PRKG1: variants seen among roughly 807,000 people sequenced by gnomAD.
PRKG1 encodes the protein protein kinase cGMP-dependent 1.
A neutral mutation model predicts 88.1 loss-of-function variants in PRKG1; 35 were observed. That is an observed-to-expected ratio of 0.40 (90% CI 0.30 to 0.53). The LOEUF is 0.53. Ranked by LOEUF, PRKG1 falls within the 20% of genes least tolerant of loss-of-function variation. The pLI, the probability that PRKG1 is intolerant of heterozygous loss-of-function variation, is 0.59. For synonymous variants in PRKG1, 303 were observed against 292.5 expected (o/e 1.04, Z -0.37); for missense variants, 540 against 839.8 (o/e 0.64, Z 4.41).
intron 4 of PRKG1, among the ~76,000 whole-genome samples, chr10:51,843,368 GTA>G (rs1840326811): frequency 6.6e-6 from 1 of 152,120 alleles, no homozygotes; most frequent in South Asian, 2.1e-4. Context: ...TTGCGTTGGG[GTA>G]TACCAAGTCA....
chr10:51,867,780 T>G lies in PRKG1; in HGVS notation c.699-39727T>G, dbSNP rs78344607. Among the ~76,000 whole-genome samples the G allele has an allele frequency of 4.0e-4, 61 of 152,284 alleles. 1 individual carries two copies. The East Asian group carries it at 0.01, about 26-fold the overall frequency. ...ATGATATGCAGAGTGAATACTGAAT[T>G]GTAAGAATTCTAATATTTGAATTGA... On this transcript the variant is annotated intron_variant, in intron 4 of 17. Coordinates refer to ENST00000373980, the MANE Select transcript of PRKG1 (RefSeq NM_006258.4).
chr10:52,002,935 G>A (rs570482274), intron 5 of PRKG1, among the ~76,000 whole-genome samples: 7 of 152,234 alleles, frequency 4.6e-5, no homozygotes, highest in South Asian at 4.2e-4. Context: ...TTGAGTTAGC[G>A]AAAGTTAGTA....
At chr10:51,083,402 C>G (rs1844163721) in intron 1 of PRKG1, among the ~76,000 whole-genome samples, 1 of 152,174 alleles carries the variant, frequency 6.6e-6, no homozygotes, top group Admixed American at 6.5e-5. Flanking sequence ...GGTCCCAGCT[C>G]CTGCTATCCA....
chr10:51,478,297 T>G (rs1380629808), intron 3 of PRKG1, among the ~76,000 whole-genome samples: 1 of 152,138 alleles, frequency 6.6e-6, no homozygotes, highest in African/African-American at 2.4e-5. Flanking sequence ...AGATGCAGCC[T>G]GGAAATTCAA....
At chr10:51,249,271 A>G (rs1839370172) in intron 2 of PRKG1, among the ~76,000 whole-genome samples, 1 of 151,896 alleles carries the variant, frequency 6.6e-6, no homozygotes, top group African/African-American at 2.4e-5. Context: ...ATCCCCATGG[A>G]CCCAAATCAC....
chr10:51,828,668 A>G (rs1453487589), intron 4 of PRKG1, among the ~76,000 whole-genome samples: 4 of 152,200 alleles, frequency 2.6e-5, no homozygotes, highest in Non-Finnish European at 5.9e-5. Flanking sequence ...AGGCTTTGAT[A>G]TAACTTTTAG....
At chr10:52,034,774 G>C (rs931089190) in intron 5 of PRKG1, among the ~76,000 whole-genome samples, 1 of 152,108 alleles carries the variant, frequency 6.6e-6, no homozygotes, top group African/African-American at 2.4e-5. Context: ...TAGTAGGGAT[G>C]ACAAGTTTTT....
chr10:52,052,040 G>A (rs1158871836), intron 5 of PRKG1, among the ~76,000 whole-genome samples: 1 of 151,870 alleles, frequency 6.6e-6, no homozygotes, highest in Admixed American at 6.6e-5. Context: ...TACCCAATAC[G>A]GTATCTACTA....
At chr10:51,646,585 A>G (rs1262614561) in intron 3 of PRKG1, among the ~76,000 whole-genome samples, 4 of 152,104 alleles carry the variant, frequency 2.6e-5, no homozygotes, top group Non-Finnish European at 5.9e-5. Flanking sequence ...ATTTATGGAC[A>G]GTTACATTAA....
chr10:51,963,470 TA>T (rs1843494064), intron 5 of PRKG1, among the ~76,000 whole-genome samples: 1 of 152,110 alleles, frequency 6.6e-6, no homozygotes, highest in South Asian at 2.1e-4. Flanking sequence ...TATTTATTAT[TA>T]TTTTTTAAGA....
intron 2 of PRKG1, among the ~76,000 whole-genome samples, chr10:51,201,091 C>T (rs1402675616): frequency 6.6e-6 from 1 of 152,160 alleles, no homozygotes; most frequent in Non-Finnish European, 1.5e-5. Flanking sequence ...CTAAGAGTGA[C>T]AAACTGTTCA....
At chr10:51,740,767 T>G (rs1321288102) in intron 3 of PRKG1, among the ~76,000 whole-genome samples, 1 of 152,208 alleles carries the variant, frequency 6.6e-6, no homozygotes, top group Non-Finnish European at 1.5e-5. Context: ...GACATCTTGC[T>G]GCCATAATAT....
chr10:51,365,266 T>G (rs955010070), intron 2 of PRKG1, among the ~76,000 whole-genome samples: 3 of 151,878 alleles, frequency 2.0e-5, no homozygotes, highest in African/African-American at 7.2e-5. Flanking sequence ...TAACAACATA[T>G]CTAACAGATC....
intron 2 of PRKG1, among the ~76,000 whole-genome samples, chr10:51,420,349 A>C (rs1373099717): frequency 6.6e-6 from 1 of 152,212 alleles, no homozygotes; most frequent in Admixed American, 6.5e-5. Flanking sequence ...TTGGTTCAGT[A>C]GAATCATGTA....
intron 3 of PRKG1, among the ~76,000 whole-genome samples, chr10:51,548,877 T>C (rs1010681738): frequency 1.3e-5 from 2 of 152,028 alleles, no homozygotes; most frequent in Non-Finnish European, 2.9e-5. Context: ...ATCTCAGGTA[T>C]TTGTGTGTGA....
At chr10:51,097,498 A>G (rs1844560797) in intron 1 of PRKG1, among the ~76,000 whole-genome samples, 1 of 152,110 alleles carries the variant, frequency 6.6e-6, no homozygotes. Context: ...GCTTGGGATT[A>G]TAGGTGTCAG....
intron 3 of PRKG1, among the ~76,000 whole-genome samples, chr10:51,715,524 G>A (rs1841865029): frequency 6.6e-6 from 1 of 152,168 alleles, no homozygotes; most frequent in African/African-American, 2.4e-5. Context: ...TTATATTCAA[G>A]TGGAGGGCAT....
At chr10:51,278,093 T>A (rs1564667310) in intron 2 of PRKG1, among the ~76,000 whole-genome samples, 1 of 152,196 alleles carries the variant, frequency 6.6e-6, no homozygotes, top group Non-Finnish European at 1.5e-5. Flanking sequence ...TGTGGGTTTG[T>A]CATAAATAGC....
intron 2 of PRKG1, among the ~76,000 whole-genome samples, chr10:51,164,096 A>G (rs1326824428): frequency 6.6e-6 from 1 of 152,172 alleles, no homozygotes; most frequent in Non-Finnish European, 1.5e-5. Context: ...CTGCCTCCTG[A>G]AGTGGGTCCC....
Sources: gnomAD v4.1 joint callset for allele counts (sites outside exome capture counted in the v4.1 genomes callset) on GRCh38, gnomAD v4.1.1 for gene constraint, MANE v1.5 for transcripts, NCBI Gene and HGNC (gene_info 2026-07-23, HGNC 2026-07-21) for gene names.